The following ATL1 variants were observed in gnomAD, a reference collection of about 807,000 sequenced individuals.
ATL1 encodes the protein atlastin-1.
Under a neutral mutation model 75.5 loss-of-function variants are expected in ATL1, and 31 were observed. The ratio of observed to expected loss-of-function variants is 0.41; its 90% confidence interval spans 0.31 to 0.55. The LOEUF is 0.55. Ranked by LOEUF, ATL1 falls within the 20% of genes least tolerant of loss-of-function variation. The probability of loss-of-function intolerance (pLI) is 0.27; values close to 1 mark genes in which losing one functional copy is unlikely to be tolerated. For missense variants in ATL1, 405 were observed against 662.6 expected, an observed-to-expected ratio of 0.61 and a Z score of 4.27; for synonymous variants, 226 against 233.3, an observed-to-expected ratio of 0.97 and a Z score of 0.28.
At chr14:50,609,540 A>T (rs1245809526) in intron 6 of ATL1, among the ~76,000 whole-genome samples, 2 of 152,162 alleles carry the variant, frequency 1.3e-5, no homozygotes, top group East Asian at 3.9e-4. Context: ...AAGAATCAAG[A>T]TTCTTGATTC....
intron 1 of ATL1, among the ~76,000 whole-genome samples, chr14:50,571,440 G>A (rs2038954320): frequency 6.6e-6 from 1 of 152,126 alleles, no homozygotes; most frequent in Non-Finnish European, 1.5e-5. Context: ...ATGGATTCCA[G>A]AGTTCTTCTC....
chr14:50,594,719 G>C (rs1017119068), intron 5 of ATL1, among the ~76,000 whole-genome samples: 4 of 152,218 alleles, frequency 2.6e-5, no homozygotes, highest in Non-Finnish European at 4.4e-5. Context: ...CCAGGGCCGG[G>C]TGCAGTGGCT....
chr14:50,626,059 A>G (rs150154225), intron 11 of ATL1, among the ~76,000 whole-genome samples: 1 of 152,348 alleles, frequency 6.6e-6, no homozygotes, highest in African/African-American at 2.4e-5. Flanking sequence ...TCCTTTCAAA[A>G]TATTACTGCT....
chr14:50,541,778 A>T (rs1225606342), intron 1 of ATL1, among the ~76,000 whole-genome samples: 7 of 151,814 alleles, frequency 4.6e-5, no homozygotes, highest in South Asian at 2.1e-4. Flanking sequence ...CCCAGCATTT[A>T]GGGAGGCCGA....
intron 8 of ATL1, among the ~76,000 whole-genome samples, chr14:50,617,259 A>G (rs1018147312): frequency 3.9e-5 from 6 of 152,264 alleles, no homozygotes; most frequent in Non-Finnish European, 7.3e-5. Context: ...GAAAAAGATT[A>G]AAGGTACTGA....
intron 1 of ATL1, among the ~76,000 whole-genome samples, chr14:50,553,516 G>C (rs1034431437): frequency 2.0e-5 from 3 of 152,092 alleles, no homozygotes; most frequent in Non-Finnish European, 4.4e-5. Context: ...ATGTAAACTA[G>C]TACAACCACT....
Position 50,566,277 on chromosome 14 carries a change from C to T in ATL1, c.34+5978C>T, listed in dbSNP as rs575599872. Among the ~76,000 whole-genome samples the T allele has an allele frequency of 2.7e-3, 405 of 152,276 alleles. 3 individuals are homozygous for T. The highest frequency in any genetic ancestry group is 9.0e-3 in the African/African-American group (376 of 41,564). On this transcript the variant is annotated intron_variant, in intron 1 of 13. Coordinates refer to ENST00000358385, the MANE Select transcript of ATL1 (RefSeq NM_015915.5). ...CCCCCCAAAGTGCTGGGATTACAGG[C>T]GTGAGCCACTGCACCCGGCCAGGAC... is the stretch of plus-strand genomic sequence containing the variant.
chr14:50,631,267 AAAAAAC>A (rs1361759989), intron 13 of ATL1, among the ~76,000 whole-genome samples: 2 of 127,848 alleles, frequency 1.6e-5, no homozygotes, highest in Non-Finnish European at 3.2e-5. Flanking sequence ...CTCAAAAAGT[AAAAAAC>A]AAAAACAAAA....
chr14:50,627,933 C>T (rs1049684926), intron 11 of ATL1, 98 bp from the exon 12 acceptor site: 1 of 1,116,638 alleles, frequency 9.0e-7, no homozygotes, highest in Non-Finnish European at 1.3e-6. Context: ...TGATTATTAA[C>T]GTATTCTAAC....
chr14:50,584,546 A>G (rs532246759), intron 1 of ATL1, among the ~76,000 whole-genome samples: 168 of 152,080 alleles, frequency 1.1e-3, no homozygotes, highest in African/African-American at 3.8e-3. Context: ...TACTAAAAAT[A>G]AAAAAATAAA....
intron 6 of ATL1, among the ~76,000 whole-genome samples, chr14:50,597,373 G>C (rs1172753472): frequency 6.6e-6 from 1 of 152,076 alleles, no homozygotes; most frequent in Admixed American, 6.6e-5. Flanking sequence ...ACTATTTACA[G>C]TAGGATAGCA....
Position 50,621,859 on chromosome 14 carries a change from A to G in ATL1, c.1007A>G (p.Tyr336Cys). 5 of 1,596,562 alleles carry G rather than the reference A, an allele frequency of 3.1e-6. No homozygotes were observed. The highest frequency in any genetic ancestry group is 3.4e-6 in the Non-Finnish European group (4 of 1,165,054). Reference protein sequence around the residue: ...VEYFKAYIKIYQGEELPHPKS... With the variant: ...VEYFKAYIKICQGEELPHPKS... Reference sequence around the variant, plus strand: ...TTTTTTTAGGCTTATATAAAGATCTATCAAGGTGAAGAATTACCACATCCC... The same window carrying G: ...TTTTTTTAGGCTTATATAAAGATCTGTCAAGGTGAAGAATTACCACATCCC... Residue 336 changes from tyrosine (Y) to cysteine (C), a missense_variant, in exon 10 of 14, where the codon TAT (tyrosine) becomes TGT (cysteine). Tyr to Cys is a radical substitution (Grantham distance 194). Transcript: ENST00000358385.
intron 1 of ATL1, among the ~76,000 whole-genome samples, chr14:50,533,631 C>T (rs1165990333): frequency 6.6e-6 from 1 of 152,080 alleles, no homozygotes; most frequent in African/African-American, 2.4e-5. Context: ...AGAATTTGAA[C>T]AGAAAAGCCA....
chr14:50,568,031 T>G (rs2038920583), intron 1 of ATL1, among the ~76,000 whole-genome samples: 3 of 152,214 alleles, frequency 2.0e-5, no homozygotes, highest in Admixed American at 2.0e-4. Flanking sequence ...GTTCTCTATT[T>G]CTTTGCACGT....
chr14:50,559,331 G>A (rs2038804346), upstream of ATL1: 1 of 152,264 alleles, frequency 6.6e-6, no homozygotes, highest in African/African-American at 2.4e-5. Flanking sequence ...TCTTGAGGTT[G>A]AGGTAGTATA....
chr14:50,597,646 G>T (rs998810713), intron 6 of ATL1, among the ~76,000 whole-genome samples: 7 of 152,016 alleles, frequency 4.6e-5, no homozygotes, highest in African/African-American at 1.7e-4. Context: ...TTCTTTTGTA[G>T]GTATCATATT....
Position 50,594,266 on chromosome 14 carries a change from G to A in ATL1, c.573+370G>A, listed in dbSNP as rs576848409. ...ACTCACTCACTATGGCGAGAACAGC[G>A]AGAACAGAGAACAGCGTGGGGGAAA... is the stretch of plus-strand genomic sequence containing the variant. On this transcript the variant is annotated intron_variant, in intron 5 of 13. Coordinates refer to ENST00000358385, the MANE Select transcript of ATL1 (RefSeq NM_015915.5). Among the ~76,000 whole-genome samples the A allele has an allele frequency of 1.1e-4, 16 of 152,248 alleles. 1 individual carries two copies. The South Asian group carries it at 2.7e-3, about 26-fold the overall frequency.
At chr14:50,629,484 G>A (rs1595626383) in intron 12 of ATL1, among the ~76,000 whole-genome samples, 1 of 151,900 alleles carries the variant, frequency 6.6e-6, no homozygotes, top group African/African-American at 2.4e-5. Context: ...GGGAGGCTGA[G>A]GCAGGAGAAT....
intron 6 of ATL1, among the ~76,000 whole-genome samples, chr14:50,602,799 T>C (rs761435362): frequency 3.9e-5 from 6 of 152,066 alleles, no homozygotes; most frequent in Non-Finnish European, 8.8e-5. Context: ...AGAGAAGAGA[T>C]GGGGCTGCAG....
Sources: gnomAD v4.1 joint callset for allele counts (sites outside exome capture counted in the v4.1 genomes callset) on GRCh38, gnomAD v4.1.1 for gene constraint, MANE v1.5 for transcripts, NCBI Gene and HGNC (gene_info 2026-07-23, HGNC 2026-07-21) for gene names.